RHOT1: variants seen among roughly 807,000 people sequenced by gnomAD.
RHOT1 encodes ras homolog family member T1.
Under a neutral mutation model 95.3 loss-of-function variants are expected in RHOT1, and 27 were observed. The ratio of observed to expected loss-of-function variants is 0.28; its 90% CI spans 0.21 to 0.39. The LOEUF (loss-of-function observed/expected upper bound fraction) is 0.39. Among genes scored for constraint, RHOT1 ranks in the 10% least tolerant of loss-of-function variants. RHOT1 has a pLI of 1.00. For synonymous variants in RHOT1, 227 were observed against 263.5 expected (o/e 0.86, Z 1.34); for missense variants, 578 against 786.7 (o/e 0.73, Z 3.17).
At chr17:32,217,785 C>T (rs184196528) in intron 19 of RHOT1, among the ~76,000 whole-genome samples, 28 of 151,346 alleles carry the variant, frequency 1.9e-4, no homozygotes, top group African/African-American at 6.8e-4. Flanking sequence ...GAAAATACTT[C>T]ACCAGATTGA....
At chr17:32,212,235 A>T (rs986340136) in intron 19 of RHOT1, among the ~76,000 whole-genome samples, 1 of 152,220 alleles carries the variant, frequency 6.6e-6, no homozygotes, top group Non-Finnish European at 1.5e-5. Context: ...TCCACCAGCA[A>T]TATAGTGGAT....
At chr17:32,185,944 A>G (rs2036014653) in intron 8 of RHOT1, among the ~76,000 whole-genome samples, 1 of 150,768 alleles carries the variant, frequency 6.6e-6, no homozygotes, top group African/African-American at 2.4e-5. Flanking sequence ...CTGGTCTCAA[A>G]CTCCTGGCTC....
rs551151153 is a variant in RHOT1 at position 32,214,894 on chromosome 17, C to CTTTTTTT, written c.1862+3680_1862+3686dup. ...GAAAGAGCAGTTCTAAAAGGCTTGT[C>CTTTTTTT]TTTTTTTTTTTTTTTTTTTTTTTTT... On this transcript the variant is annotated intron_variant, in intron 19 of 19. Transcript: ENST00000545287. Among the ~76,000 whole-genome samples the CTTTTTTT allele has an allele frequency of 9.7e-4, 51 of 52,840 alleles. 4 individuals are homozygous for CTTTTTTT. The highest frequency in any genetic ancestry group is 1.3e-3 in the Non-Finnish European group (36 of 28,388). 34.7% of individuals were successfully genotyped at this position (52,840 alleles called of 152,430 possible). A position where few individuals can be genotyped will look rare whatever the true frequency, so the allele number is the denominator to read the frequency against.
At chr17:32,149,752 C>CAT (rs988490436) in intron 1 of RHOT1, among the ~76,000 whole-genome samples, 40 of 143,176 alleles carry the variant, frequency 2.8e-4, no homozygotes, top group South Asian at 1.7e-3. Context: ...CACACACACA[C>CAT]ATATATATAT....
intron 1 of RHOT1, among the ~76,000 whole-genome samples, chr17:32,149,617 A>ATGTGTGTGTGTGTGTGTG (rs1290539388): frequency 2.4e-5 from 2 of 83,668 alleles, no homozygotes; most frequent in African/African-American, 1.3e-4. Flanking sequence ...ATATATATAT[A>ATGTGTGTGTGTGTGTGTG]TATATATATA....
chr17:32,172,166 T>A (rs910603424), intron 2 of RHOT1, among the ~76,000 whole-genome samples: 2 of 152,228 alleles, frequency 1.3e-5, no homozygotes, highest in Non-Finnish European at 2.9e-5. Context: ...AGGAATTTGA[T>A]GTATCATGTG....
intron 1 of RHOT1, chr17:32,151,090 G>A (rs1410945787): frequency 9.5e-7 from 1 of 1,050,444 alleles, no homozygotes; most frequent in African/African-American, 1.6e-5. Context: ...AGTGAAAACA[G>A]CCAGGTTATC....
rs542514450 is a variant in RHOT1, at chr17:32,143,383, C to G, written c.37+654C>G. 4.3e-4 allele frequency among the ~76,000 whole-genome samples: 65 copies of G among 152,244 alleles called. 1 individual carries two copies. The South Asian group carries it at 6.8e-3, about 16-fold the overall frequency. Reference sequence around the variant, plus strand: ...TTGCATTGGACTAACTCCTCGTACTCGAGATATTTCATCAAAAATTTTTAC... The same window carrying G: ...TTGCATTGGACTAACTCCTCGTACTGGAGATATTTCATCAAAAATTTTTAC... On this transcript the variant is annotated intron_variant, in intron 1 of 19. Transcript: ENST00000545287.
intron 14 of RHOT1, among the ~76,000 whole-genome samples, 156 bp from the exon 15 acceptor site, chr17:32,202,614 A>G (rs2037405379): frequency 1.3e-5 from 2 of 152,202 alleles, no homozygotes; most frequent in South Asian, 2.1e-4. Context: ...CTTCATTCAC[A>G]TACAGCTTGA....
At chr17:32,193,369 T>C in intron 10 of RHOT1, 125 bp downstream of exon 10, 1 of 675,104 alleles carries the variant, frequency 1.5e-6, no homozygotes, top group Middle Eastern at 3.2e-4. Context: ...ATGCCTAAAG[T>C]CTGATTTGGA....
chr17:32,198,618 T>C (rs931514611), intron 11 of RHOT1, among the ~76,000 whole-genome samples: 2 of 151,928 alleles, frequency 1.3e-5, no homozygotes, highest in African/African-American at 4.8e-5. Context: ...CTGAGATGGG[T>C]AGATTGATTG....
At chr17:32,187,758 G>A (rs1016439813) in intron 8 of RHOT1, among the ~76,000 whole-genome samples, 2 of 151,700 alleles carry the variant, frequency 1.3e-5, no homozygotes, top group South Asian at 2.1e-4. Flanking sequence ...TGGTAGAGAC[G>A]GGGTTTCACC....
intron 8 of RHOT1, among the ~76,000 whole-genome samples, chr17:32,184,764 A>G (rs1340286038): frequency 6.6e-6 from 1 of 152,096 alleles, no homozygotes; most frequent in Admixed American, 6.6e-5. Flanking sequence ...TCTGCCTCCA[A>G]GAGTGCTGGG....
intron 19 of RHOT1, among the ~76,000 whole-genome samples, chr17:32,216,533 T>C (rs2038486867): frequency 6.6e-6 from 1 of 152,180 alleles, no homozygotes; most frequent in Non-Finnish European, 1.5e-5. Flanking sequence ...CCCAAAAGTA[T>C]GATGGATAGA....
intron 18 of RHOT1, 78 bp downstream of exon 18, chr17:32,208,387 C>A (rs58319842): frequency 2.9e-4 from 378 of 1,319,378 alleles, no homozygotes; most frequent in Middle Eastern, 5.5e-4. Flanking sequence ...AAGGGAATAT[C>A]TTTGTCACAT....
chr17:32,208,220 A>G lies in RHOT1; in HGVS notation c.1650A>G (p.Lys550=). ...CTACTGATTTCTGCAGGAAACACAA[A>G]ATGCCTCCACCACAAGCCTTCACTT... The part of the protein sequence containing the change: ...ISPTDFCRKH[K]MPPPQAFTCN... Residue 550 remains lysine, a synonymous_variant, in exon 18 of 20, where the codon AAA becomes AAG. Transcript: ENST00000545287. The G allele has an allele frequency of 6.2e-7, 1 of 1,614,096 alleles. No individual in the cohort carries two copies. The highest frequency in any genetic ancestry group is 1.3e-5 in the African/African-American group (1 of 75,040).
rs1027819771 is a variant in RHOT1 at position 32,151,028 on chromosome 17, A to G, written c.37+8299A>G. Reference sequence around the variant, plus strand: ...CCTAAACCAAACCTGGGAGTGGGGGAAGAGGGGAGATTGTGGTCTGTTCTT... The same window carrying G: ...CCTAAACCAAACCTGGGAGTGGGGGGAGAGGGGAGATTGTGGTCTGTTCTT... On this transcript the variant is annotated intron_variant, in intron 1 of 19. Coordinates refer to ENST00000545287, the MANE Select transcript of RHOT1 (RefSeq NM_001033566.3). 1.6e-4 allele frequency: 229 copies of G among 1,455,640 alleles called. 2 individuals are homozygous for G. Among genetic ancestry groups the G allele is most frequent in the Admixed American group, 5.7e-5 (3 of 52,284 alleles). 90.2% of individuals were successfully genotyped at this position (1,455,640 alleles called of 1,614,324 possible). A position where few individuals can be genotyped will look rare whatever the true frequency, so the allele number is the denominator to read the frequency against.
At chr17:32,168,745 A>G (rs1417774402) in intron 1 of RHOT1, among the ~76,000 whole-genome samples, 1 of 151,986 alleles carries the variant, frequency 6.6e-6, no homozygotes. Flanking sequence ...TTTTTAAAGT[A>G]TGGCACAAGA....
At chr17:32,162,963 GATTTATC>G (rs1403342478) in intron 1 of RHOT1, among the ~76,000 whole-genome samples, 1 of 152,112 alleles carries the variant, frequency 6.6e-6, no homozygotes, top group Non-Finnish European at 1.5e-5. Context: ...AGGTGGGCAG[GATTTATC>G]ATGGCTTGTT....
Sources: gnomAD v4.1 joint callset for allele counts (sites outside exome capture counted in the v4.1 genomes callset) on GRCh38, gnomAD v4.1.1 for gene constraint, MANE v1.5 for transcripts, NCBI Gene and HGNC (gene_info 2026-07-23, HGNC 2026-07-21) for gene names.